The following RPS6KA5 variants were observed in gnomAD, a reference collection of about 807,000 sequenced individuals.
RPS6KA5 encodes the protein ribosomal protein S6 kinase alpha-5.
In RPS6KA5, 27 loss-of-function variants were observed where a neutral mutation model predicts 85.5. The ratio of observed to expected loss-of-function variants is 0.32; its 90% CI spans 0.23 to 0.44. The LOEUF (loss-of-function observed/expected upper bound fraction) is 0.44. Ranked by LOEUF, RPS6KA5 falls within the 20% of genes least tolerant of loss-of-function variation. RPS6KA5 has a pLI of 1.00. For missense variants in RPS6KA5, 811 were observed against 980.9 expected (o/e 0.83, Z 2.31); for synonymous variants, 334 against 348.2 (o/e 0.96, Z 0.46).
intron 1 of RPS6KA5, among the ~76,000 whole-genome samples, chr14:91,014,807 T>C (rs1188856352): frequency 6.6e-6 from 1 of 152,186 alleles, no homozygotes; most frequent in African/African-American, 2.4e-5. Flanking sequence ...TTTTACATAT[T>C]TGCTTTAATA....
At chr14:91,044,824 C>G (rs1011520707) in intron 1 of RPS6KA5, among the ~76,000 whole-genome samples, 4 of 149,780 alleles carry the variant, frequency 2.7e-5, no homozygotes, top group African/African-American at 9.8e-5. Context: ...TGAGCCGAGA[C>G]CGCACCATTG....
At chr14:90,920,534 AC>A in intron 6 of RPS6KA5, among the ~76,000 whole-genome samples, 1 of 152,162 alleles carries the variant, frequency 6.6e-6, no homozygotes, top group South Asian at 2.1e-4. Flanking sequence ...TAAACTAGTA[AC>A]CGTTTACCTT....
chr14:91,015,405 G>T (rs1040323976), intron 1 of RPS6KA5, among the ~76,000 whole-genome samples: 3 of 151,828 alleles, frequency 2.0e-5, no homozygotes, highest in Non-Finnish European at 2.9e-5. Flanking sequence ...TTACAGCAAG[G>T]CAAACATTCC....
At chr14:90,977,050 G>A (rs1209874433) in intron 3 of RPS6KA5, among the ~76,000 whole-genome samples, 4 of 152,238 alleles carry the variant, frequency 2.6e-5, no homozygotes, top group East Asian at 1.9e-4. Flanking sequence ...CACAAGATAC[G>A]TAACTTCAGG....
intron 6 of RPS6KA5, among the ~76,000 whole-genome samples, chr14:90,922,704 C>T (rs2036464871): frequency 6.6e-6 from 1 of 152,188 alleles, no homozygotes; most frequent in Admixed American, 6.5e-5. Context: ...CCACCTTGGC[C>T]TTCCAAAGTG....
At chr14:91,009,183 G>A (rs367550943) in intron 1 of RPS6KA5, among the ~76,000 whole-genome samples, 1 of 152,182 alleles carries the variant, frequency 6.6e-6, no homozygotes, top group African/African-American at 2.4e-5. Flanking sequence ...GACATTAAGA[G>A]GTGGGGCCAC....
At chr14:90,921,387 T>C (rs2036393472) in intron 6 of RPS6KA5, among the ~76,000 whole-genome samples, 1 of 152,186 alleles carries the variant, frequency 6.6e-6, no homozygotes, top group Non-Finnish European at 1.5e-5. Flanking sequence ...GGAAAAAATA[T>C]TTATTGACTA....
chr14:90,963,206 C>CATG (rs2038895353), intron 3 of RPS6KA5, among the ~76,000 whole-genome samples: 1 of 152,142 alleles, frequency 6.6e-6, no homozygotes, highest in Non-Finnish European at 1.5e-5. Context: ...TTTGTTTTCT[C>CATG]ATGATGCAGG....
intron 12 of RPS6KA5, among the ~76,000 whole-genome samples, chr14:90,898,569 A>T (rs541131621): frequency 2.0e-5 from 3 of 152,234 alleles, no homozygotes; most frequent in African/African-American, 2.4e-5. Flanking sequence ...TGAACATTCA[A>T]AATCTCAGTT....
chr14:90,884,355 G>C (rs140396276), intron 14 of RPS6KA5, among the ~76,000 whole-genome samples: 18 of 152,276 alleles, frequency 1.2e-4, no homozygotes, highest in African/African-American at 4.3e-4. Flanking sequence ...GCGCCAACAT[G>C]CTCAATGGAA....
At chr14:91,048,659 T>G (rs2042959141) in intron 1 of RPS6KA5, among the ~76,000 whole-genome samples, 1 of 152,176 alleles carries the variant, frequency 6.6e-6, no homozygotes, top group Non-Finnish European at 1.5e-5. Context: ...GGTTCTATTT[T>G]AGACCCTATT....
At chr14:91,022,777 C>A (rs987703666) in intron 1 of RPS6KA5, among the ~76,000 whole-genome samples, 1 of 152,074 alleles carries the variant, frequency 6.6e-6, no homozygotes, top group African/African-American at 2.4e-5. Context: ...AATATATATT[C>A]AATATAATTT....
intron 3 of RPS6KA5, among the ~76,000 whole-genome samples, chr14:90,958,461 G>A (rs2038637699): frequency 1.3e-5 from 2 of 152,128 alleles, no homozygotes; most frequent in Admixed American, 6.5e-5. Context: ...CATATCCTTA[G>A]AAAGGAATAT....
At chr14:91,051,068 A>G (rs931739814) in intron 1 of RPS6KA5, among the ~76,000 whole-genome samples, 1 of 151,962 alleles carries the variant, frequency 6.6e-6, no homozygotes, top group South Asian at 2.1e-4. Context: ...CCTCTACCAA[A>G]AAATACAAAA....
intron 2 of RPS6KA5, among the ~76,000 whole-genome samples, chr14:90,994,738 ATTTTTTT>A (rs992557196): frequency 6.7e-6 from 1 of 149,862 alleles, no homozygotes; most frequent in Non-Finnish European, 1.5e-5. Context: ...TGCCCGGCTA[ATTTTTTT>A]TTGTTTTTAG....
In RPS6KA5 at chr14:90,978,406, T is replaced by C; in HGVS notation, c.294A>G (p.Thr98=). Residue 98 remains threonine (T), a synonymous_variant, in exon 3 of 17, where the codon ACA becomes ACG. Coordinates refer to ENST00000614987, the MANE Select transcript of RPS6KA5 (RefSeq NM_004755.4). Reference sequence around the variant, plus strand: ...GTTCCAGGACTTGTCGTTCTGTCCTTGTATGCTCTGTGGTTTTGGCCTTTT... The same window carrying C: ...GTTCCAGGACTTGTCGTTCTGTCCTCGTATGCTCTGTGGTTTTGGCCTTTT... ...IVQKAKTTEH[T]RTERQVLEHI... is the part of the protein sequence containing the mutation. 1.2e-6 allele frequency: 2 copies of C among 1,614,132 alleles called. No individual in the cohort carries two copies. Among genetic ancestry groups the C allele is most frequent in the Non-Finnish European group, 1.7e-6 (2 of 1,179,986 alleles).
chr14:90,909,546 A>C (rs1025932545), intron 7 of RPS6KA5, among the ~76,000 whole-genome samples: 40 of 152,234 alleles, frequency 2.6e-4, no homozygotes, highest in African/African-American at 9.6e-4. Flanking sequence ...AAGAAATATG[A>C]ATATTAATTA....
chr14:91,047,778 C>T lies in RPS6KA5; in HGVS notation c.103+12554G>A, dbSNP rs186330137. ...ATCAAGGTGACAGCAGAGATGTGTT[C>T]CTTTTGGATATTCTAGGTGAAAATC... On this transcript the variant is annotated intron_variant, in intron 1 of 16. Coordinates refer to ENST00000614987, the MANE Select transcript of RPS6KA5 (RefSeq NM_004755.4). Among the ~76,000 whole-genome samples, 16 of 152,254 alleles carry T rather than the reference C, an allele frequency of 1.1e-4. No homozygotes were observed. The East Asian group carries it at 2.9e-3, about 28-fold the overall frequency.
intron 2 of RPS6KA5, among the ~76,000 whole-genome samples, chr14:90,993,908 ATT>A (rs547691120): frequency 1.4e-5 from 2 of 143,328 alleles, no homozygotes. Flanking sequence ...TCTATTCTCT[ATT>A]TTTTTTTTTT....
Sources: allele counts gnomAD v4.1 joint callset (sites outside exome capture counted in the v4.1 genomes callset), GRCh38; gene constraint gnomAD v4.1.1; transcripts MANE v1.5; gene names NCBI Gene and HGNC (gene_info 2026-07-23, HGNC 2026-07-21).